The following PGAP1 variants were observed in gnomAD, a reference collection of about 807,000 sequenced individuals.
PGAP1 encodes post-GPI attachment to proteins inositol deacylase 1.
PGAP1 carries 76 observed loss-of-function variants against 127.0 expected under a neutral mutation model. That is an observed-to-expected ratio of 0.60 (90% CI 0.50 to 0.72). The LOEUF (loss-of-function observed/expected upper bound fraction) is 0.72. Among genes scored for constraint, PGAP1 ranks in the 30% least tolerant of loss-of-function variants. The probability of loss-of-function intolerance (pLI) is 0.00; values close to 1 mark genes in which losing one functional copy is unlikely to be tolerated. For missense variants in PGAP1, 982 were observed against 1,071.3 expected, an observed-to-expected ratio of 0.92 and a Z score of 1.16; for synonymous variants, 362 against 366.5, an observed-to-expected ratio of 0.99 and a Z score of 0.14.
intron 10 of PGAP1, among the ~76,000 whole-genome samples, chr2:196,889,313 G>C (rs1191940097): frequency 1.3e-5 from 2 of 152,160 alleles, no homozygotes; most frequent in African/African-American, 4.8e-5. Flanking sequence ...AGATGCAAAA[G>C]TCTGGTAATT....
chr2:196,849,476 G>A lies in PGAP1; in HGVS notation c.1862-1439C>T, dbSNP rs371037563. On this transcript the variant is annotated intron_variant, in intron 20 of 26. Coordinates refer to ENST00000354764, the MANE Select transcript of PGAP1 (RefSeq NM_024989.4). The stretch of plus-strand genomic sequence containing the variant: ...TTTTTAGTAGAGACGGGGTTTCACC[G>A]TGTTAGCTAGGATGGTCTGGATCTC... Among the ~76,000 whole-genome samples the A allele has an allele frequency of 1.2e-4, 18 of 150,014 alleles. No individual in the cohort carries two copies. The East Asian group carries it at 2.0e-3, about 16-fold the overall frequency.
At chr2:196,861,990 T>A (rs1273229400) in intron 20 of PGAP1, among the ~76,000 whole-genome samples, 1 of 151,356 alleles carries the variant, frequency 6.6e-6, no homozygotes, top group Non-Finnish European at 1.5e-5. Flanking sequence ...TTGTACAGCA[T>A]GTGTGTTTGA....
chr2:196,916,523 A>G lies in PGAP1; in HGVS notation c.372T>C (p.Phe124=), dbSNP rs778356242. 2 of 1,613,614 alleles carry G rather than the reference A, an allele frequency of 1.2e-6. No individual in the cohort carries two copies. Among genetic ancestry groups the G allele is most frequent in the African/African-American group, 1.3e-5 (1 of 75,030 alleles). The stretch of plus-strand genomic sequence containing the variant: ...CCAGTTCTTCATTGAAGTTCACACT[A>G]AAGAAGTCAAAGTGGTACTTGAAGT... The part of the protein sequence containing the change: ...DIDFKYHFDF[F]SVNFNEELVA... Residue 124 remains phenylalanine, a synonymous_variant, in exon 3 of 27, where the codon TTT becomes TTC. Transcript: ENST00000354764.
chr2:196,855,275 T>C (rs1387036895), intron 20 of PGAP1, among the ~76,000 whole-genome samples: 1 of 135,572 alleles, frequency 7.4e-6, no homozygotes, highest in Non-Finnish European at 1.5e-5. Flanking sequence ...GCAGTGAGCC[T>C]AGATCGAGCC....
In PGAP1 at chr2:196,920,923, A is replaced by G. The variant is rs185570848; in HGVS notation, c.148-773T>C. Among the ~76,000 whole-genome samples the G allele has an allele frequency of 1.7e-4, 26 of 152,202 alleles. No individual in the cohort carries two copies. In the East Asian group the frequency reaches 5.0e-3, roughly 29 times the overall value. On this transcript the variant is annotated intron_variant, in intron 1 of 26. Transcript: ENST00000354764. ...CCTACATTTTTTTCAGCTTAGTATA[A>G]ATTATCTCTTAATGTCATCCTCAAA...
In PGAP1 at chr2:196,888,399, C is replaced by T. The variant is rs184446597; in HGVS notation, c.1173+2429G>A. Among the ~76,000 whole-genome samples, 244 of 152,214 alleles carry T rather than the reference C, an allele frequency of 1.6e-3. 1 individual carries two copies. The highest frequency in any genetic ancestry group is 5.6e-3 in the African/African-American group (234 of 41,538). ...GGTAAAACCAGATATTATGTACCTC[C>T]TGGTACCATAAAATAGGCGATCCAC... On this transcript the variant is annotated intron_variant, in intron 10 of 26. Coordinates refer to ENST00000354764, the MANE Select transcript of PGAP1 (RefSeq NM_024989.4).
intron 20 of PGAP1, among the ~76,000 whole-genome samples, chr2:196,858,992 T>C (rs1700978574): frequency 6.6e-6 from 1 of 151,614 alleles, no homozygotes; most frequent in Non-Finnish European, 1.5e-5. Flanking sequence ...CCTACCAAGG[T>C]TGAATCAAGA....
chr2:196,892,550 A>C, intron 8 of PGAP1, 149 bp from the exon 9 acceptor site: 2 of 475,050 alleles, frequency 4.2e-6, no homozygotes, highest in Non-Finnish European at 7.5e-6. Context: ...AAAATCTAGT[A>C]ATATATTTTC....
chr2:196,843,114 TA>T (rs34719820), intron 25 of PGAP1, among the ~76,000 whole-genome samples: 1 of 150,958 alleles, frequency 6.6e-6, no homozygotes, highest in African/African-American at 2.4e-5. Flanking sequence ...GCATAAAGTT[TA>T]AAAAAAAACA....
chr2:196,904,967 ATC>A (rs1165869573), intron 4 of PGAP1, among the ~76,000 whole-genome samples: 1 of 152,164 alleles, frequency 6.6e-6, no homozygotes, highest in Non-Finnish European at 1.5e-5. Flanking sequence ...GGTCATATGG[ATC>A]TCTGTCTCTC....
chr2:196,873,624 T>A (rs774734484), intron 15 of PGAP1, 45 bp from the exon 16 acceptor site: 1 of 1,581,506 alleles, frequency 6.3e-7, no homozygotes. Flanking sequence ...GGTTTACTTG[T>A]ATGTTAAAGT....
rs1364265556 is a variant in PGAP1, at chr2:196,835,369, C to T, written c.*5865G>A. 1 of 151,904 alleles carries T rather than the reference C, an allele frequency of 6.6e-6. No homozygotes were observed. The highest frequency in any genetic ancestry group is 6.6e-5 in the Admixed American group (1 of 15,252). The allele number at this position is 151,904 out of a possible 1,614,324, so 9.4% of individuals were successfully genotyped here. On this transcript the variant is annotated 3_prime_UTR_variant, in exon 27 of 27. Transcript: ENST00000354764. ...ACCTTTCAACTACATAAATGAGACA[C>T]CTGTACTAAAATGGCTTGTACAACA...
At chr2:196,920,247 G>T in intron 1 of PGAP1, 97 bp from the exon 2 acceptor site, 1 of 1,060,710 alleles carries the variant, frequency 9.4e-7, no homozygotes, top group Non-Finnish European at 1.3e-6. Flanking sequence ...TTGAAATAGT[G>T]CAATATAAAA....
In PGAP1 at chr2:196,920,112, G is replaced by A. The variant is rs773292108; in HGVS notation, c.186C>T (p.Pro62=). Residue 62 remains proline, a synonymous_variant, in exon 2 of 27, where the codon CCC becomes CCT. Coordinates refer to ENST00000354764, the MANE Select transcript of PGAP1 (RefSeq NM_024989.4). ...ELPKKLAKRY[P]AYELYLYGEG... ...CTCCATAAAGATACAACTCATATGC[G>A]GGATAGCGTTTTGCCAGTTTCTTTG... 1.7e-5 allele frequency: 28 copies of A among 1,609,438 alleles called. No homozygotes were observed. The highest frequency in any genetic ancestry group is 4.0e-5 in the African/African-American group (3 of 74,712).
chr2:196,902,465 A>G (rs1702529633), intron 5 of PGAP1, 120 bp downstream of exon 5: 1 of 734,960 alleles, frequency 1.4e-6, no homozygotes, highest in African/African-American at 1.8e-5. Flanking sequence ...GCATGCCCAC[A>G]CAGCAGTCCA....
At chr2:196,904,330 T>C (rs914480658) in intron 4 of PGAP1, among the ~76,000 whole-genome samples, 2 of 152,180 alleles carry the variant, frequency 1.3e-5, no homozygotes, top group Non-Finnish European at 2.9e-5. Context: ...TCAGCAGCGC[T>C]ATGCTTGGCC....
Position 196,849,035 on chromosome 2 carries a change from T to A in PGAP1, c.1862-998A>T, listed in dbSNP as rs1044917735. Among the ~76,000 whole-genome samples the A allele has an allele frequency of 4.6e-5, 7 of 152,288 alleles. No individual in the cohort carries two copies. In the East Asian group the frequency reaches 1.2e-3, roughly 25 times the overall value. ...ATCCACAGGTGATTTTTGATAAGCA[T>A]CCTTGGTTCAGAACTACATATTTAA... On this transcript the variant is annotated intron_variant, in intron 20 of 26. Coordinates refer to ENST00000354764, the MANE Select transcript of PGAP1 (RefSeq NM_024989.4).
Position 196,838,463 on chromosome 2 carries a change from A to C in PGAP1, c.*2771T>G, listed in dbSNP as rs1383488578. On this transcript the variant is annotated 3_prime_UTR_variant, in exon 27 of 27. Transcript: ENST00000354764. The stretch of plus-strand genomic sequence containing the variant: ...AGAAACGTCCATTTTGCTAATCTTC[A>C]AAGAGCCCACCTTCGCATCTCTGGT... 6.6e-6 allele frequency: 1 copy of C among 152,196 alleles called. No homozygotes were observed. Among genetic ancestry groups the C allele is most frequent in the Non-Finnish European group, 1.5e-5 (1 of 68,036 alleles). The allele number at this position is 152,196 out of a possible 1,614,324, so 9.4% of individuals were successfully genotyped here. A position where few individuals can be genotyped will look rare whatever the true frequency, so the allele number is the denominator to read the frequency against.
chr2:196,844,368 A>C (rs1181249137), intron 24 of PGAP1, among the ~76,000 whole-genome samples, 156 bp downstream of exon 24: 1 of 152,100 alleles, frequency 6.6e-6, no homozygotes, highest in Non-Finnish European at 1.5e-5. Flanking sequence ...ATGAACTTAT[A>C]AGTCTTTTAA....
Sources: allele counts gnomAD v4.1 joint callset (sites outside exome capture counted in the v4.1 genomes callset), GRCh38; gene constraint gnomAD v4.1.1; transcripts MANE v1.5; gene names NCBI Gene and HGNC (gene_info 2026-07-23, HGNC 2026-07-21).